CTNNA2: variants seen among roughly 807,000 people sequenced by gnomAD.
CTNNA2 encodes the protein catenin alpha 2.
In CTNNA2, 42 loss-of-function variants were observed where a neutral mutation model predicts 101.0. The observed-to-expected ratio is 0.42, with a 90% CI of 0.32 to 0.54. The LOEUF (loss-of-function observed/expected upper bound fraction) is 0.54. Among genes scored for constraint, CTNNA2 ranks in the 20% least tolerant of loss-of-function variants. The probability of loss-of-function intolerance (pLI) is 0.14; values close to 1 mark genes in which losing one functional copy is unlikely to be tolerated. For synonymous variants in CTNNA2, 450 were observed against 456.4 expected (o/e 0.99, Z 0.18); for missense variants, 871 against 1,223.1 (o/e 0.71, Z 4.29).
intron 14 of CTNNA2, among the ~76,000 whole-genome samples, chr2:80,586,069 C>G (rs889944996): frequency 5.3e-5 from 8 of 152,116 alleles, no homozygotes; most frequent in Non-Finnish European, 1.5e-5. Context: ...GGCAACTTCT[C>G]TTGAGTTATG....
intron 8 of CTNNA2, among the ~76,000 whole-genome samples, chr2:80,413,336 T>G (rs1165915088): frequency 1.3e-5 from 2 of 152,200 alleles, no homozygotes; most frequent in Admixed American, 1.3e-4. Flanking sequence ...CCAATTAAAA[T>G]GATTTTGCTT....
chr2:79,837,018 G>A (rs1014358961), intron 3 of CTNNA2, among the ~76,000 whole-genome samples: 4 of 152,204 alleles, frequency 2.6e-5, no homozygotes, highest in Non-Finnish European at 5.9e-5. Flanking sequence ...GAATTCGTAA[G>A]TATTGGAAGT....
rs149405902 is a variant in CTNNA2, at chr2:79,338,345, A to G, written c.-318+25549A>G. Among the ~76,000 whole-genome samples the G allele has an allele frequency of 6.5e-3, 986 of 152,126 alleles. 13 individuals are homozygous for G. The highest frequency in any genetic ancestry group is 0.023 in the African/African-American group (948 of 41,504). ...AGGGCAGAGGAAGAGAATTTGAGGC[A>G]GAAAGGAGACTATTCACAGTGAGTC... On this transcript the variant is annotated intron_variant, in intron 3 of 21. Coordinates refer to the CTNNA2 transcript ENST00000466387.
intron 7 of CTNNA2, among the ~76,000 whole-genome samples, chr2:79,947,642 A>G (rs909406412): frequency 6.6e-6 from 1 of 152,174 alleles, no homozygotes; most frequent in Non-Finnish European, 1.5e-5. Flanking sequence ...GATGTTTGCT[A>G]CTTGTCATGG....
intron 7 of CTNNA2, among the ~76,000 whole-genome samples, chr2:79,959,283 C>T (rs1689462269): frequency 2.0e-5 from 3 of 152,084 alleles, no homozygotes; most frequent in Admixed American, 1.3e-4. Flanking sequence ...GAGAAATTTG[C>T]CATCTCCCCT....
chr2:79,593,202 A>C (rs1676972915), intron 1 of CTNNA2, among the ~76,000 whole-genome samples: 2 of 152,182 alleles, frequency 1.3e-5, no homozygotes, highest in South Asian at 4.1e-4. Context: ...TCATAGTTGA[A>C]TGACTCTAAT....
intron 8 of CTNNA2, among the ~76,000 whole-genome samples, chr2:80,415,395 A>T (rs913826511): frequency 1.3e-5 from 2 of 151,986 alleles, no homozygotes; most frequent in Non-Finnish European, 2.9e-5. Flanking sequence ...CCCTTTCTCC[A>T]TGAAGCTCTG....
chr2:79,851,155 C>T (rs1292799359), intron 3 of CTNNA2, among the ~76,000 whole-genome samples: 1 of 152,218 alleles, frequency 6.6e-6, no homozygotes, highest in Non-Finnish European at 1.5e-5. Flanking sequence ...TGATGTAATG[C>T]ATCAAGATCT....
intron 9 of CTNNA2, among the ~76,000 whole-genome samples, chr2:80,483,677 C>A (rs1686323357): frequency 5.3e-5 from 8 of 152,068 alleles, no homozygotes; most frequent in Admixed American, 5.2e-4. Flanking sequence ...GTGGAAGACA[C>A]AACTCTTTAC....
intron 2 of CTNNA2, among the ~76,000 whole-genome samples, chr2:79,743,627 G>A (rs551928796): frequency 5.3e-5 from 8 of 151,248 alleles, no homozygotes; most frequent in South Asian, 2.1e-4. Flanking sequence ...TCTGCCTCCC[G>A]AGTTCAAGCG....
chr2:79,213,134 G>A (rs1252226083), intron 2 of CTNNA2, among the ~76,000 whole-genome samples: 7 of 152,186 alleles, frequency 4.6e-5, no homozygotes, highest in Non-Finnish European at 2.9e-5. Flanking sequence ...GTAGGTGGGA[G>A]TGGCCAGATG....
intron 2 of CTNNA2, among the ~76,000 whole-genome samples, chr2:79,303,088 G>T (rs897328983): frequency 4.6e-5 from 7 of 152,146 alleles, no homozygotes. Context: ...GACAGGCATT[G>T]TTGTTATTAT....
intron 7 of CTNNA2, among the ~76,000 whole-genome samples, chr2:80,267,493 G>A (rs1673090272): frequency 6.6e-6 from 1 of 152,148 alleles, no homozygotes; most frequent in Non-Finnish European, 1.5e-5. Flanking sequence ...TGGGATCCCG[G>A]ACTATAGTGC....
At chr2:80,110,927 G>T (rs187088709) in intron 7 of CTNNA2, among the ~76,000 whole-genome samples, 61 of 152,300 alleles carry the variant, frequency 4.0e-4, no homozygotes, top group African/African-American at 1.1e-3. Context: ...AAGGAAAGAG[G>T]TTTAATTGAC....
chr2:79,532,909 C>T (rs1015483027), intron 1 of CTNNA2, among the ~76,000 whole-genome samples: 1 of 152,080 alleles, frequency 6.6e-6, no homozygotes, highest in Admixed American at 6.6e-5. Flanking sequence ...GTGTTCCAGA[C>T]TCAAGCTCAT....
At chr2:79,983,160 A>C (rs1338740838) in intron 7 of CTNNA2, among the ~76,000 whole-genome samples, 1 of 149,180 alleles carries the variant, frequency 6.7e-6, no homozygotes, top group Non-Finnish European at 1.5e-5. Flanking sequence ...TTTGTATATC[A>C]CATCTATATT....
At chr2:80,090,211 T>C (rs1158369620) in intron 7 of CTNNA2, among the ~76,000 whole-genome samples, 3 of 151,780 alleles carry the variant, frequency 2.0e-5, no homozygotes, top group Non-Finnish European at 2.9e-5. Context: ...CATGTGTGTG[T>C]CTGTGTGTGC....
intron 4 of CTNNA2, among the ~76,000 whole-genome samples, chr2:79,490,316 T>A (rs754760245): frequency 3.3e-4 from 50 of 152,182 alleles, no homozygotes; most frequent in Non-Finnish European, 5.3e-4. Context: ...ATTCCATTTC[T>A]GAGGTGGGTT....
chr2:79,477,591 A>G (rs957140461), intron 4 of CTNNA2, among the ~76,000 whole-genome samples: 4 of 152,160 alleles, frequency 2.6e-5, no homozygotes, highest in Non-Finnish European at 4.4e-5. Flanking sequence ...TGTTCTGCCT[A>G]TTTGCATTTC....
Sources: gnomAD v4.1 joint callset for allele counts (sites outside exome capture counted in the v4.1 genomes callset) on GRCh38, gnomAD v4.1.1 for gene constraint, MANE v1.5 for transcripts, NCBI Gene and HGNC (gene_info 2026-07-23, HGNC 2026-07-21) for gene names.